The following EHMT1 variants were observed in gnomAD, a reference collection of about 807,000 sequenced individuals.
The protein encoded by EHMT1 is euchromatic histone lysine methyltransferase 1, also known as histone-lysine N-methyltransferase EHMT1.
A neutral mutation model predicts 147.2 loss-of-function variants in EHMT1; 15 were observed. That is an observed-to-expected ratio of 0.10 (90% CI 0.07 to 0.16). EHMT1 has a LOEUF of 0.16. Among genes scored for constraint, EHMT1 ranks in the 10% least tolerant of loss-of-function variants. The pLI, the probability that EHMT1 is intolerant of heterozygous loss-of-function variation, is 1.00. For synonymous variants in EHMT1, 795 were observed against 709.6 expected, an observed-to-expected ratio of 1.12 and a Z score of -1.91; for missense variants, 1,587 against 1,772.4, an observed-to-expected ratio of 0.90 and a Z score of 1.88.
At chr9:137,769,203 C>T (rs149329401) in intron 10 of EHMT1, among the ~76,000 whole-genome samples, 94 of 152,154 alleles carry the variant, frequency 6.2e-4, no homozygotes, top group African/African-American at 2.0e-3. Flanking sequence ...CTTGTTTCTG[C>T]GTTTTAATTT....
At chr9:137,766,171 A>G (rs1033653957) in intron 10 of EHMT1, among the ~76,000 whole-genome samples, 1 of 152,200 alleles carries the variant, frequency 6.6e-6, no homozygotes, top group African/African-American at 2.4e-5. Flanking sequence ...CCCAAAATGA[A>G]GGGCCATGTT....
chr9:137,722,253 A>G (rs1393044122), intron 3 of EHMT1, among the ~76,000 whole-genome samples: 1 of 152,252 alleles, frequency 6.6e-6, no homozygotes, highest in Non-Finnish European at 1.5e-5. Context: ...CTTTAGGGAA[A>G]AAAAGCAATT....
intron 2 of EHMT1, chr9:137,715,865 A>G (rs901795223): frequency 1.0e-6 from 1 of 983,530 alleles, no homozygotes; most frequent in African/African-American, 1.7e-5. Flanking sequence ...TTATTATAGC[A>G]GTGATTCCCC....
At chr9:137,675,717 TTC>T (rs1278361648) in intron 1 of EHMT1, among the ~76,000 whole-genome samples, 1 of 149,294 alleles carries the variant, frequency 6.7e-6, no homozygotes, top group Non-Finnish European at 1.5e-5. Flanking sequence ...GTTCAAGCGA[TTC>T]TCCTGCCTCA....
chr9:137,661,323 TG>T (rs1939052403), intron 1 of EHMT1, among the ~76,000 whole-genome samples: 1 of 152,112 alleles, frequency 6.6e-6, no homozygotes, highest in African/African-American at 2.4e-5. Flanking sequence ...CTATTTAGGA[TG>T]GTGTTTATTT....
chr9:137,688,692 C>A (rs1050561819), intron 1 of EHMT1, among the ~76,000 whole-genome samples: 1 of 152,168 alleles, frequency 6.6e-6, no homozygotes, highest in Non-Finnish European at 1.5e-5. Flanking sequence ...AACCGCTATC[C>A]ACTTGATTAC....
intron 3 of EHMT1, 58 bp downstream of exon 3, chr9:137,717,240 G>C (rs561717951): frequency 6.3e-7 from 1 of 1,587,452 alleles, no homozygotes; most frequent in African/African-American, 1.3e-5. Flanking sequence ...TTTTAATAAC[G>C]GCAAATGGAC....
chr9:137,784,991 C>T (rs1951842445), intron 15 of EHMT1: 1 of 149,548 alleles, frequency 6.7e-6, no homozygotes, highest in Admixed American at 6.7e-5. Flanking sequence ...GGGGTGAGGT[C>T]AGGGAGTGGG....
At chr9:137,712,826 G>A (rs1487913586) in intron 2 of EHMT1, among the ~76,000 whole-genome samples, 1 of 151,994 alleles carries the variant, frequency 6.6e-6, no homozygotes, top group East Asian at 1.9e-4. Context: ...GGTGCTTTTG[G>A]TCTAAAACCT....
chr9:137,792,392 A>G (rs1952592079), intron 16 of EHMT1: 1 of 203,628 alleles, frequency 4.9e-6, no homozygotes, highest in Admixed American at 5.5e-5. Context: ...ACCCTCATCT[A>G]ACACTGTATT....
Position 137,813,212 on chromosome 9 carries a change from G to T in EHMT1, c.3035+39G>T. On this transcript the variant is annotated intron_variant, in intron 20 of 26. Transcript: ENST00000460843. This position sits in a 1 kb window ranked among gnomAD's most constrained non-coding sequence, Gnocchi z 4.9. ...CAGGACGGCTTTGTGGCAAATCAGC[G>T]GTCAGCAGGGCTTTGGGAACTTGCG... 1 of 1,600,176 alleles carries T rather than the reference G, an allele frequency of 6.2e-7. No individual in the cohort carries two copies.
At chr9:137,783,263 C>T (rs920998413) in intron 15 of EHMT1, among the ~76,000 whole-genome samples, 1 of 152,220 alleles carries the variant, frequency 6.6e-6, no homozygotes, top group Non-Finnish European at 1.5e-5. Flanking sequence ...ACTCTCATAA[C>T]TCAGGTGTGG....
intron 1 of EHMT1, among the ~76,000 whole-genome samples, chr9:137,668,836 A>C (rs955244557): frequency 4.6e-5 from 7 of 151,868 alleles, no homozygotes; most frequent in Non-Finnish European, 1.0e-4. Flanking sequence ...CGGGAATGGG[A>C]TAACTGGTTC....
chr9:137,834,562 G>A (rs768206004), intron 26 of EHMT1, 38 bp downstream of exon 26: 9 of 1,607,084 alleles, frequency 5.6e-6, no homozygotes, highest in South Asian at 4.4e-5. Flanking sequence ...CTCCGCTGCC[G>A]GCGGGACGGT....
intron 7 of EHMT1, among the ~76,000 whole-genome samples, chr9:137,753,485 G>T (rs953850145): frequency 5.9e-5 from 9 of 152,232 alleles, no homozygotes; most frequent in Non-Finnish European, 1.0e-4. Context: ...CCTCACGTGG[G>T]ACCCAACTCA....
intron 18 of EHMT1, chr9:137,802,966 G>A (rs556013814): frequency 8.1e-7 from 1 of 1,232,466 alleles, no homozygotes; most frequent in Admixed American, 4.2e-5. Flanking sequence ...TGGAGGAAGA[G>A]AGGAGGGAAG....
chr9:137,742,289 T>TTGTGTGTGTGTGTGTGTG (rs56080406), intron 4 of EHMT1, among the ~76,000 whole-genome samples: 91 of 135,164 alleles, frequency 6.7e-4, no homozygotes, highest in Middle Eastern at 3.6e-3. Context: ...AGAACCAAAT[T>TTGTGTGTGTGTGTGTGTG]TGTGTGTGTG....
intron 10 of EHMT1, among the ~76,000 whole-genome samples, chr9:137,772,431 T>A (rs943602712): frequency 2.0e-5 from 3 of 152,204 alleles, no homozygotes; most frequent in Non-Finnish European, 4.4e-5. Flanking sequence ...GTGAGCTCTG[T>A]GGCCACCTCT....
chr9:137,800,615 A>G, intron 17 of EHMT1: 1 of 527,492 alleles, frequency 1.9e-6, no homozygotes, highest in South Asian at 2.1e-5. Context: ...GGAGCGGGCA[A>G]GGCCGACAGC....
Sources: gnomAD v4.1 joint callset for allele counts (sites outside exome capture counted in the v4.1 genomes callset) on GRCh38, gnomAD v4.1.1 for gene constraint, Gnocchi (gnomAD v3.1) non-coding constraint, MANE v1.5 for transcripts, NCBI Gene and HGNC (gene_info 2026-07-23, HGNC 2026-07-21) for gene names.